NRXN3: variants seen among roughly 807,000 people sequenced by gnomAD.
The protein encoded by NRXN3 is neurexin 3, also known as neurexin III.
A neutral mutation model predicts 137.6 loss-of-function variants in NRXN3; 32 were observed. That is an observed-to-expected ratio of 0.23 (90% CI 0.18 to 0.31). NRXN3 has a LOEUF of 0.31. Ranked by LOEUF, NRXN3 falls within the 10% of genes least tolerant of loss-of-function variation. NRXN3 has a pLI of 1.00. For synonymous variants in NRXN3, 798 were observed against 784.5 expected (o/e 1.02, Z -0.29); for missense variants, 1,574 against 2,062.5 (o/e 0.76, Z 4.59).
chr14:79,626,571 A>G (rs1196275314), intron 16 of NRXN3, among the ~76,000 whole-genome samples: 1 of 152,192 alleles, frequency 6.6e-6, no homozygotes, highest in African/African-American at 2.4e-5. Flanking sequence ...AAAAACTCTT[A>G]TTCTTCAGAT....
At chr14:79,329,353 C>T (rs1046807298) in intron 15 of NRXN3, among the ~76,000 whole-genome samples, 2 of 152,124 alleles carry the variant, frequency 1.3e-5, no homozygotes, top group Non-Finnish European at 2.9e-5. Context: ...AGACTTCATT[C>T]AAAAACACAA....
At chr14:79,248,673 C>T (rs577212475) in intron 15 of NRXN3, 14 of 152,342 alleles carry the variant, frequency 9.2e-5, no homozygotes, top group Admixed American at 2.6e-4. Context: ...CAGTGAGTCG[C>T]CAATGCCTTA....
intron 15 of NRXN3, among the ~76,000 whole-genome samples, chr14:79,046,550 C>A (rs555620313): frequency 6.6e-6 from 1 of 152,220 alleles, no homozygotes; most frequent in African/African-American, 2.4e-5. Context: ...TCCCTGTATG[C>A]TTCTTCCAGT....
chr14:79,558,053 C>G (rs1418734241), intron 16 of NRXN3, among the ~76,000 whole-genome samples: 3 of 152,146 alleles, frequency 2.0e-5, no homozygotes, highest in Non-Finnish European at 1.5e-5. Context: ...AGCAGAAACT[C>G]CTCATCCATT....
At chr14:79,286,948 A>C (rs2153453644) in intron 15 of NRXN3, among the ~76,000 whole-genome samples, 1 of 152,320 alleles carries the variant, frequency 6.6e-6, no homozygotes, top group African/African-American at 2.4e-5. Context: ...AGATTAAACA[A>C]GTTGTATTTT....
At chr14:78,856,231 A>G (rs916985560) in intron 10 of NRXN3, among the ~76,000 whole-genome samples, 1 of 152,198 alleles carries the variant, frequency 6.6e-6, no homozygotes, top group Non-Finnish European at 1.5e-5. Context: ...TTGGTTCAAC[A>G]TGTGTTTTCT....
At chr14:79,058,779 A>C (rs1242257194) in intron 15 of NRXN3, among the ~76,000 whole-genome samples, 1 of 152,228 alleles carries the variant, frequency 6.6e-6, no homozygotes. Context: ...GGTTCTCTCC[A>C]TGCTGTTCTC....
intron 15 of NRXN3, among the ~76,000 whole-genome samples, chr14:79,068,707 A>G (rs1243574077): frequency 6.6e-6 from 1 of 152,126 alleles, no homozygotes; most frequent in Non-Finnish European, 1.5e-5. Flanking sequence ...TTCATTTAAA[A>G]TGAAACTCAA....
rs547869628 is a variant in NRXN3, at chr14:79,757,702, G to A, written c.4015-47410G>A. 5.3e-5 allele frequency among the ~76,000 whole-genome samples: 8 copies of A among 152,208 alleles called. No individual in the cohort carries two copies. In the South Asian group the frequency reaches 1.0e-3, roughly 20 times the overall value. ...TCCTGAGTTCCTGCCTAGGTCTGCC[G>A]CTAAGCTGTAGTATGACCTTGGACA... On this transcript the variant is annotated intron_variant, in intron 19 of 20. Coordinates refer to ENST00000335750, the MANE Select transcript of NRXN3 (RefSeq NM_001330195.2).
chr14:78,431,269 A>G (rs749773641), intron 4 of NRXN3, among the ~76,000 whole-genome samples: 5 of 152,196 alleles, frequency 3.3e-5, no homozygotes, highest in African/African-American at 4.8e-5. Context: ...CTTTAGGTCC[A>G]GGGAACTTGA....
chr14:78,691,190 G>A (rs138821839), intron 6 of NRXN3, among the ~76,000 whole-genome samples: 229 of 152,228 alleles, frequency 1.5e-3, no homozygotes, highest in African/African-American at 5.4e-3. Flanking sequence ...ATATAAATTT[G>A]AGTAGTAGAA....
Position 79,817,145 on chromosome 14 carries a change from C to T in NRXN3, c.4093+11955C>T, listed in dbSNP as rs536781196. On this transcript the variant is annotated intron_variant, in intron 20 of 20. Coordinates refer to ENST00000335750, the MANE Select transcript of NRXN3 (RefSeq NM_001330195.2). ...TCAGCTCACTACAACCTCCACCTCC[C>T]GGATTCAAGCAATTCTCCTGCCTCA... 1.2e-4 allele frequency among the ~76,000 whole-genome samples: 19 copies of T among 152,228 alleles called. No homozygotes were observed. In the South Asian group the frequency reaches 1.7e-3, roughly 13 times the overall value.
intron 16 of NRXN3, among the ~76,000 whole-genome samples, chr14:79,543,590 T>C (rs2097293626): frequency 6.6e-6 from 1 of 152,182 alleles, no homozygotes; most frequent in African/African-American, 2.4e-5. Context: ...GAGTCGGCTG[T>C]ATTTGGCATG....
chr14:79,047,710 G>A (rs2099635075), intron 15 of NRXN3, among the ~76,000 whole-genome samples: 1 of 152,076 alleles, frequency 6.6e-6, no homozygotes, highest in South Asian at 2.1e-4. Flanking sequence ...TCAAGAAATT[G>A]TATATTAAAA....
chr14:78,958,067 G>A (rs1207292800), intron 11 of NRXN3, among the ~76,000 whole-genome samples: 1 of 152,130 alleles, frequency 6.6e-6, no homozygotes, highest in Non-Finnish European at 1.5e-5. Flanking sequence ...AATGGAAACA[G>A]ATGAGATTAC....
intron 4 of NRXN3, among the ~76,000 whole-genome samples, chr14:78,471,150 A>T (rs1270347620): frequency 1.3e-5 from 2 of 152,114 alleles, no homozygotes; most frequent in Non-Finnish European, 2.9e-5. Context: ...TATCCTGAGG[A>T]GGTCCTTGGA....
At chr14:79,609,570 A>G (rs2098072353) in intron 16 of NRXN3, among the ~76,000 whole-genome samples, 2 of 152,224 alleles carry the variant, frequency 1.3e-5, no homozygotes, top group East Asian at 1.9e-4. Context: ...GATTATCATT[A>G]TATCTTTAAT....
intron 15 of NRXN3, among the ~76,000 whole-genome samples, chr14:79,418,092 A>G (rs1242761162): frequency 6.6e-6 from 1 of 152,068 alleles, no homozygotes; most frequent in Admixed American, 6.6e-5. Flanking sequence ...AAGAAAGAAC[A>G]TCCAAAACCT....
intron 15 of NRXN3, among the ~76,000 whole-genome samples, chr14:79,353,680 T>A (rs891901204): frequency 1.3e-5 from 2 of 152,300 alleles, no homozygotes; most frequent in South Asian, 2.1e-4. Flanking sequence ...ACTATATGCC[T>A]GACATATTGC....
Sources: gnomAD v4.1 joint callset for allele counts (sites outside exome capture counted in the v4.1 genomes callset) on GRCh38, gnomAD v4.1.1 for gene constraint, MANE v1.5 for transcripts, NCBI Gene and HGNC (gene_info 2026-07-23, HGNC 2026-07-21) for gene names.